The following ZNF541 variants were observed in gnomAD, a reference collection of about 807,000 sequenced individuals.
ZNF541 encodes zinc finger protein 541.
A neutral mutation model predicts 123.5 loss-of-function variants in ZNF541; 23 were observed. That is an observed-to-expected ratio of 0.19 (90% CI 0.13 to 0.26). The LOEUF is 0.26. ZNF541 is among the 10% of genes least tolerant of loss of function. The pLI is 1.00. For synonymous variants in ZNF541, 751 were observed against 754.5 expected, an observed-to-expected ratio of 1.00 and a Z score of 0.08; for missense variants, 1,612 against 1,789.9, an observed-to-expected ratio of 0.90 and a Z score of 1.79.
chr19:47,535,491 C>T (rs959409108), intron 9 of ZNF541, among the ~76,000 whole-genome samples: 3 of 152,198 alleles, frequency 2.0e-5, no homozygotes, highest in Admixed American at 6.5e-5. Context: ...TGTTCATATA[C>T]TGCTACTGGA....
intron 3 of ZNF541, among the ~76,000 whole-genome samples, chr19:47,551,107 GT>G (rs1970581295): frequency 6.7e-6 from 1 of 149,336 alleles, no homozygotes; most frequent in Admixed American, 6.7e-5. Context: ...CTAGAGGGCA[GT>G]GGCGCAATCT....
chr19:47,545,824 G>A lies in ZNF541; in HGVS notation c.705C>T (p.Ala235=). 2.6e-6 allele frequency: 4 copies of A among 1,548,198 alleles called. No homozygotes were observed. Among genetic ancestry groups the A allele is most frequent in the Non-Finnish European group, 3.5e-6 (4 of 1,145,998 alleles). Residue 235 remains alanine (A), a synonymous_variant, in exon 5 of 17, where the codon GCC becomes GCT. Coordinates refer to ENST00000391901, the MANE Select transcript of ZNF541 (RefSeq NM_001277075.3). The surrounding 1 kb of genome is among the most constrained non-coding windows in gnomAD (Gnocchi z 7.5). The part of the protein sequence containing the change: ...ILKEAPPEEE[A]CGDSPHAHES... Reference sequence around the variant, plus strand: ...CGTGGGCGTGGGGGGAGTCCCCGCAGGCCTCTTCCTCCGGGGGGGCTTCCT... The same window carrying A: ...CGTGGGCGTGGGGGGAGTCCCCGCAAGCCTCTTCCTCCGGGGGGGCTTCCT...
chr19:47,563,076 C>A (rs542773909), intron 2 of ZNF541, among the ~76,000 whole-genome samples: 27 of 152,066 alleles, frequency 1.8e-4, no homozygotes, highest in African/African-American at 5.3e-4. Context: ...GTAATAGAAC[C>A]TCTGCACCTG....
chr19:47,531,631 C>CAG lies in ZNF541; in HGVS notation c.3405+10_3405+11insCT, dbSNP rs1160854285. 3.3e-6 allele frequency: 5 copies of CAG among 1,525,706 alleles called. No homozygotes were observed. Among genetic ancestry groups the CAG allele is most frequent in the Non-Finnish European group, 4.4e-6 (5 of 1,128,154 alleles). 94.5% of individuals were successfully genotyped at this position (1,525,706 alleles called of 1,614,324 possible). A position where few individuals can be genotyped will look rare whatever the true frequency, so the allele number is the denominator to read the frequency against. ...CAGGAAAGCAGGGAGGGTCCCCTTG[C>CAG]TGTTCCTCACCTGAACGTTGCCCTG... On this transcript the variant is annotated intron_variant, in intron 12 of 16. Transcript: ENST00000391901.
intron 2 of ZNF541, among the ~76,000 whole-genome samples, chr19:47,559,373 A>G (rs1970968962): frequency 6.6e-6 from 1 of 151,690 alleles, no homozygotes; most frequent in Non-Finnish European, 1.5e-5. Context: ...CTCTATCTCA[A>G]AAAAAAGAAA....
intron 10 of ZNF541, 92 bp from the exon 11 acceptor site, chr19:47,532,362 G>T: frequency 7.1e-7 from 1 of 1,408,686 alleles, no homozygotes; most frequent in Non-Finnish European, 9.6e-7. Context: ...CTGCTCTTGG[G>T]CCACAGCCTG....
intron 2 of ZNF541, among the ~76,000 whole-genome samples, chr19:47,571,014 A>C (rs542656892): frequency 6.6e-6 from 1 of 152,262 alleles, no homozygotes; most frequent in Admixed American, 6.5e-5. Context: ...GCATGTCCAC[A>C]TACACATGTG....
At chr19:47,527,651 C>T (rs774061693) in intron 14 of ZNF541, among the ~76,000 whole-genome samples, 2 of 152,118 alleles carry the variant, frequency 1.3e-5, no homozygotes, top group Non-Finnish European at 2.9e-5. Context: ...CCACCTTGGC[C>T]TCCCAAAGTG....
In ZNF541 at chr19:47,538,155, G is replaced by A. The variant is rs1969908731; in HGVS notation, c.3081C>T (p.Ile1027=). ...AGCCTCACTCACCGAGCATGGAGCTGATGAGCTGGTCAGGGCTGGCCTGAG... is the reference window on the plus strand; with the variant it reads ...AGCCTCACTCACCGAGCATGGAGCTAATGAGCTGGTCAGGGCTGGCCTGAG... ...TSTQASPDQL[I]SSMLDQVDGS... The change falls in exon 9 of 17, where the codon ATC becomes ATT. Residue 1027 remains isoleucine, a synonymous_variant. Transcript: ENST00000391901. 5.8e-6 allele frequency: 9 copies of A among 1,550,874 alleles called. No homozygotes were observed. The highest frequency in any genetic ancestry group is 6.1e-6 in the Non-Finnish European group (7 of 1,146,964).
intron 14 of ZNF541, among the ~76,000 whole-genome samples, chr19:47,527,011 C>T (rs559690301): frequency 1.1e-4 from 17 of 152,316 alleles, no homozygotes; most frequent in African/African-American, 3.4e-4. Context: ...AAGGGGAGAC[C>T]TATCAATACC....
At chr19:47,566,778 G>A (rs1001582264) in intron 2 of ZNF541, among the ~76,000 whole-genome samples, 1 of 150,190 alleles carries the variant, frequency 6.7e-6, no homozygotes, top group Non-Finnish European at 1.5e-5. Flanking sequence ...AAGGCCAGGT[G>A]CGGTGGCTCA....
intron 2 of ZNF541, among the ~76,000 whole-genome samples, chr19:47,562,802 T>C (rs1971117466): frequency 6.6e-6 from 1 of 152,142 alleles, no homozygotes; most frequent in Non-Finnish European, 1.5e-5. Context: ...GCAGCACGTG[T>C]CACTGCTCCA....
chr19:47,551,332 G>A lies in ZNF541; in HGVS notation c.308-1847C>T, dbSNP rs376832553. ...TGGGATTACAGGTGTGAGCCACCGC[G>A]CCCAGCCTGCCTTTTTAACTTCTTA... On this transcript the variant is annotated intron_variant, in intron 3 of 16. Transcript: ENST00000391901. 8.6e-5 allele frequency among the ~76,000 whole-genome samples: 13 copies of A among 151,174 alleles called. No individual in the cohort carries two copies. The South Asian group carries it at 1.1e-3, about 12-fold the overall frequency.
chr19:47,563,865 C>T (rs1323757318), intron 2 of ZNF541, among the ~76,000 whole-genome samples: 1 of 152,180 alleles, frequency 6.6e-6, no homozygotes, highest in African/African-American at 2.4e-5. Context: ...CTCGGCCTCC[C>T]AAAGTGCTGG....
At chr19:47,558,934 C>T (rs1362731875) in intron 2 of ZNF541, among the ~76,000 whole-genome samples, 7 of 151,750 alleles carry the variant, frequency 4.6e-5, no homozygotes, top group Non-Finnish European at 8.8e-5. Flanking sequence ...TTAGTACAGA[C>T]GGGGTTTCAC....
rs1461348844 is a variant in ZNF541, at chr19:47,538,259, G to A, written c.2977C>T (p.Pro993Ser). ...CLLKGLFQCS[P>S]YTPPPMLSPI... Reference sequence around the variant, plus strand: ...CTGAGCATTGGGGGTGGTGTGTAGGGGGAGCACTGGAATAAGCCCTTCAGG... The same window carrying A: ...CTGAGCATTGGGGGTGGTGTGTAGGAGGAGCACTGGAATAAGCCCTTCAGG... The change falls in exon 9 of 17, where the codon CCC becomes TCC. Residue 993 changes from proline to serine, a missense_variant. Physicochemically the swap from Pro to Ser is moderately conservative, Grantham distance 74. Transcript: ENST00000391901. The A allele has an allele frequency of 1.3e-6, 2 of 1,551,508 alleles. No homozygotes were observed.
At position 47,529,120 on chromosome 19, in the gene ZNF541, T is replaced by C. The variant is rs144857044; in HGVS notation, c.3482-82A>G. On this transcript the variant is annotated intron_variant, in intron 13 of 16. Transcript: ENST00000391901. Reference sequence around the variant, plus strand: ...GGCTGAAATGCAGACCACCTTCCCATTTATAGCTGCCATTACTGAGTACCA... The same window carrying C: ...GGCTGAAATGCAGACCACCTTCCCACTTATAGCTGCCATTACTGAGTACCA... 25 of 1,017,314 alleles carry C rather than the reference T, an allele frequency of 2.5e-5. No homozygotes were observed. The Middle Eastern group carries it at 8.9e-4, about 36-fold the overall frequency. The allele number at this position is 1,017,314 out of a possible 1,614,324, so 63.0% of individuals were successfully genotyped here.
chr19:47,547,976 G>A (rs1237615577), intron 4 of ZNF541, among the ~76,000 whole-genome samples: 1 of 149,860 alleles, frequency 6.7e-6, no homozygotes, highest in African/African-American at 2.5e-5. Flanking sequence ...GGAGGCAGAG[G>A]CTTGCAGTGA....
At position 47,545,058 on chromosome 19, in the gene ZNF541, A is replaced by G; in HGVS notation, c.1471T>C (p.Ser491Pro). The change falls in exon 5 of 17, where the codon TCG becomes CCG. Residue 491 changes from serine (S) to proline (P), a missense_variant. Around this residue, in one of 5 missense-constraint regions of ZNF541, gnomAD observed 1,080 missense variants for 1,013.8 expected, o/e 1.07. Transcript: ENST00000391901. The surrounding 1 kb of genome is among the most constrained non-coding windows in gnomAD (Gnocchi z 7.5). ...CAGGGGTCATCTTCCCCGCTGGCCG[A>G]CCTGGGGTCGCTCGGGGCCTCCGCG... ...VPAEAPSDPR[S>P]ASGEDDPCAP... 6.8e-7 allele frequency: 1 copy of G among 1,478,076 alleles called. No homozygotes were observed. The highest frequency in any genetic ancestry group is 8.9e-7 in the Non-Finnish European group (1 of 1,117,890). The allele number at this position is 1,478,076 out of a possible 1,614,324, so 91.6% of individuals were successfully genotyped here.
Sources: allele counts gnomAD v4.1 joint callset (sites outside exome capture counted in the v4.1 genomes callset), GRCh38; gene constraint gnomAD v4.1.1; regional missense constraint gnomAD v4.1.1; non-coding constraint Gnocchi (gnomAD v3.1); transcripts MANE v1.5; gene names NCBI Gene and HGNC (gene_info 2026-07-23, HGNC 2026-07-21).